The following PTCHD1 variants were observed in gnomAD, a reference collection of about 807,000 sequenced individuals.
PTCHD1 encodes the protein patched domain-containing protein 1.
In PTCHD1, 3 loss-of-function variants were observed where a neutral mutation model predicts 34.6. The ratio of observed to expected loss-of-function variants is 0.09; its 90% confidence interval spans 0.04 to 0.22. PTCHD1 has a LOEUF of 0.22. PTCHD1 is among the 10% of genes least tolerant of loss of function. The pLI is 1.00. For missense variants in PTCHD1, 504 were observed against 685.5 expected, an observed-to-expected ratio of 0.74 and a Z score of 2.96; for synonymous variants, 305 against 283.1, an observed-to-expected ratio of 1.08 and a Z score of -0.77.
intron 1 of PTCHD1, among the ~76,000 whole-genome samples, chrX:23,364,192 G>A (rs1157781033): frequency 9.0e-6 from 1 of 110,616 alleles, no homozygotes; most frequent in African/African-American, 3.3e-5. Flanking sequence ...CTTTCCTCTG[G>A]GGATAGTGGG....
At chrX:23,372,336 C>T (rs1445137271) in intron 1 of PTCHD1, among the ~76,000 whole-genome samples, 1 of 110,499 alleles carries the variant, frequency 9.0e-6, no homozygotes, top group Non-Finnish European at 1.9e-5. Context: ...GTGAGAATAG[C>T]GAGATGGGAG....
rs1923047499 is a variant in PTCHD1 at position 23,398,551 on chromosome X, T to A, written c.*4366T>A. 1 of 111,853 alleles carries A rather than the reference T, an allele frequency of 8.9e-6. No homozygotes were observed. The highest frequency in any genetic ancestry group is 1.9e-5 in the Non-Finnish European group (1 of 53,161). 9.2% of individuals were successfully genotyped at this position (111,853 alleles called of 1,213,427 possible). On this transcript the variant is annotated 3_prime_UTR_variant, in exon 3 of 3. Transcript: ENST00000379361. The stretch of plus-strand genomic sequence containing the variant: ...AATGTAAACATTCCCTTGAGGTAAT[T>A]TGCTTTTAATTTTGTGTAAAAAGCA...
At chrX:23,384,308 C>A (rs758874158) in intron 2 of PTCHD1, among the ~76,000 whole-genome samples, 1 of 112,103 alleles carries the variant, frequency 8.9e-6, no homozygotes, top group Non-Finnish European at 1.9e-5. Context: ...CTCTTTAAGC[C>A]CTTTTTCAAA....
At chrX:23,355,352 A>G (rs889912416) in intron 1 of PTCHD1, among the ~76,000 whole-genome samples, 1 of 112,626 alleles carries the variant, frequency 8.9e-6, no homozygotes, top group East Asian at 2.8e-4. Context: ...GTCTCTCTTT[A>G]TAAAATTGTG....
intron 1 of PTCHD1, among the ~76,000 whole-genome samples, chrX:23,366,466 C>T (rs12557702): frequency 0.17 from 19,433 of 111,269 alleles, 1,469 homozygotes; most frequent in Admixed American, 0.25. Context: ...TCCATTTCCC[C>T]TGACATCCTT....
chrX:23,341,122 C>T (rs767269323), intron 1 of PTCHD1, among the ~76,000 whole-genome samples: 1 of 112,164 alleles, frequency 8.9e-6, no homozygotes, highest in Non-Finnish European at 1.9e-5. Flanking sequence ...TTTAGGTACA[C>T]ATTTGAGACA....
intron 1 of PTCHD1, among the ~76,000 whole-genome samples, chrX:23,370,778 T>G (rs1382547330): frequency 1.8e-5 from 2 of 112,338 alleles, no homozygotes; most frequent in Non-Finnish European, 3.8e-5. Context: ...AGTATTATTA[T>G]TCAGTTTCAA....
chrX:23,386,055 G>A (rs1052555740), intron 2 of PTCHD1, among the ~76,000 whole-genome samples: 17 of 110,284 alleles, frequency 1.5e-4, no homozygotes, highest in Middle Eastern at 4.7e-3. Flanking sequence ...CCAACATTTT[G>A]TATGTAAATA....
At chrX:23,383,529 G>T (rs1260964844) in intron 2 of PTCHD1, among the ~76,000 whole-genome samples, 1 of 111,753 alleles carries the variant, frequency 8.9e-6, no homozygotes, top group African/African-American at 3.2e-5. Context: ...ACCATAATGG[G>T]ATGTGACTGT....
intron 1 of PTCHD1, among the ~76,000 whole-genome samples, chrX:23,352,736 A>C (rs996624879): frequency 1.8e-5 from 2 of 111,849 alleles, no homozygotes; most frequent in African/African-American, 3.3e-5. Context: ...AAACCCATGG[A>C]TTCTCATTTC....
intron 1 of PTCHD1, among the ~76,000 whole-genome samples, chrX:23,370,606 A>G (rs1922251563): frequency 8.9e-6 from 1 of 111,771 alleles, no homozygotes; most frequent in African/African-American, 3.3e-5. Flanking sequence ...AGCTGTTACC[A>G]TATCATTAGG....
At chrX:23,347,853 A>T (rs959309145) in intron 1 of PTCHD1, among the ~76,000 whole-genome samples, 6 of 111,125 alleles carry the variant, frequency 5.4e-5, no homozygotes, top group African/African-American at 9.8e-5. Context: ...AAAAAAATTT[A>T]AAAAATATTA....
At chrX:23,335,413 G>A (rs867341437) in intron 1 of PTCHD1, among the ~76,000 whole-genome samples, 187 bp downstream of exon 1, 1 of 113,020 alleles carries the variant, frequency 8.8e-6, no homozygotes, top group Non-Finnish European at 1.9e-5. Flanking sequence ...AGGAGCGTCG[G>A]GGTCCGGGTC....
chrX:23,353,012 G>A (rs980274189), intron 1 of PTCHD1, among the ~76,000 whole-genome samples: 1 of 112,080 alleles, frequency 8.9e-6, no homozygotes, highest in African/African-American at 3.2e-5. Context: ...TCTAATGCAC[G>A]GTTAGAGTTA....
In PTCHD1 at chrX:23,360,324, G is replaced by C. The variant is rs762839294; in HGVS notation, c.352-19267G>C. On this transcript the variant is annotated intron_variant, in intron 1 of 2. Coordinates refer to ENST00000379361, the MANE Select transcript of PTCHD1 (RefSeq NM_173495.3). The stretch of plus-strand genomic sequence containing the variant: ...GCTATTAATTATTGCCTCAGTTTCA[G>C]AGCCTGTTGTTGGTCTATTCAGGGA... 9.0e-5 allele frequency among the ~76,000 whole-genome samples: 10 copies of C among 111,579 alleles called. No individual in the cohort carries two copies. The Admixed American group carries it at 9.5e-4, about 11-fold the overall frequency.
chrX:23,376,349 T>A (rs762143650), intron 1 of PTCHD1, among the ~76,000 whole-genome samples: 1 of 112,235 alleles, frequency 8.9e-6, no homozygotes, highest in Non-Finnish European at 1.9e-5. Flanking sequence ...CCTAGTTCAA[T>A]AACAAGCTTA....
intron 1 of PTCHD1, among the ~76,000 whole-genome samples, chrX:23,353,608 A>G (rs866185735): frequency 1.1e-5 from 1 of 94,170 alleles, no homozygotes; most frequent in Non-Finnish European, 2.0e-5. Flanking sequence ...ACAAAACAAA[A>G]CAAAAAAAAA....
chrX:23,386,456 A>C (rs927784888), intron 2 of PTCHD1, among the ~76,000 whole-genome samples: 6 of 112,237 alleles, frequency 5.3e-5, no homozygotes, highest in African/African-American at 1.6e-4. Context: ...CTTAACTCTG[A>C]GACAAAACAG....
chrX:23,380,609 A>C (rs1162152227), intron 2 of PTCHD1, among the ~76,000 whole-genome samples: 1 of 111,545 alleles, frequency 9.0e-6, no homozygotes, highest in Non-Finnish European at 1.9e-5. Context: ...AGGTGAGCCC[A>C]GGAAGCACCA....
Sources: gnomAD v4.1 joint callset for allele counts (sites outside exome capture counted in the v4.1 genomes callset) on GRCh38, gnomAD v4.1.1 for gene constraint, MANE v1.5 for transcripts, NCBI Gene and HGNC (gene_info 2026-07-23, HGNC 2026-07-21) for gene names.